Variants in EIF4G3 observed in about 807,000 individuals in gnomAD.
The protein encoded by EIF4G3 is eukaryotic translation initiation factor 4 gamma 3.
Under a neutral mutation model 186.4 loss-of-function variants are expected in EIF4G3, and 34 were observed. That is an observed-to-expected ratio of 0.18 (90% CI 0.14 to 0.24). The LOEUF (loss-of-function observed/expected upper bound fraction) is 0.24, where lower values mean the gene tolerates loss of function less well. Among genes scored for constraint, EIF4G3 ranks in the 10% least tolerant of loss-of-function variants. EIF4G3 has a pLI of 1.00. For missense variants in EIF4G3, 1,536 were observed against 1,948.5 expected (o/e 0.79, Z 3.99); for synonymous variants, 673 against 679.5 (o/e 0.99, Z 0.15).
intron 2 of EIF4G3, chr1:21,175,353 T>G (rs1386911873): frequency 6.6e-6 from 1 of 152,174 alleles, no homozygotes; most frequent in South Asian, 2.1e-4. Flanking sequence ...ATTAGAAACA[T>G]TCAATACTAG....
At chr1:21,018,628 T>A (rs1471048383) in intron 4 of EIF4G3, among the ~76,000 whole-genome samples, 1 of 152,006 alleles carries the variant, frequency 6.6e-6, no homozygotes, top group Non-Finnish European at 1.5e-5. Context: ...CATATTGAAA[T>A]GTGACCCCCA....
intron 2 of EIF4G3, among the ~76,000 whole-genome samples, chr1:21,167,217 C>T (rs2097870053): frequency 6.6e-6 from 1 of 152,214 alleles, no homozygotes; most frequent in African/African-American, 2.4e-5. Context: ...TGGTTTAAAA[C>T]TGGCTGTGTT....
chr1:20,942,482 C>T, intron 13 of EIF4G3, 152 bp from the exon 14 acceptor site: 1 of 681,014 alleles, frequency 1.5e-6, no homozygotes, highest in East Asian at 3.0e-5. Flanking sequence ...AAAACATTGT[C>T]TCTTTTCTTT....
chr1:20,941,719 C>CTGGAGGAGTTGGAGGAGT lies in EIF4G3; in HGVS notation c.1417_1434dup (p.Thr473_Pro478dup). ...ATGACTGGAGTGTGAGGAGGAGAAG[C>CTGGAGGAGTTGGAGGAGT]TGGAGGAGTTGGAGGAGTTGGAGGA... On this transcript the variant is annotated inframe_insertion, in exon 14 of 37. Transcript: ENST00000602326. The CTGGAGGAGTTGGAGGAGT allele has an allele frequency of 6.2e-7, 1 of 1,611,320 alleles. No individual in the cohort carries two copies. Among genetic ancestry groups the CTGGAGGAGTTGGAGGAGT allele is most frequent in the African/African-American group, 1.3e-5 (1 of 74,898 alleles).
At chr1:21,138,467 CAT>C (rs2097284837) in intron 2 of EIF4G3, among the ~76,000 whole-genome samples, 1 of 152,124 alleles carries the variant, frequency 6.6e-6, no homozygotes, top group Admixed American at 6.6e-5. Flanking sequence ...GGAGGTTGTA[CAT>C]GTCAGAAGGT....
chr1:20,898,377 G>GT, intron 16 of EIF4G3, among the ~76,000 whole-genome samples: 1 of 152,096 alleles, frequency 6.6e-6, no homozygotes, highest in African/African-American at 2.4e-5. Context: ...AAATAAAGTG[G>GT]TAAGTACTAG....
At chr1:20,850,628 A>G (rs1375672649) in intron 28 of EIF4G3, among the ~76,000 whole-genome samples, 1 of 152,210 alleles carries the variant, frequency 6.6e-6, no homozygotes, top group East Asian at 1.9e-4. Context: ...AAAACCTTGT[A>G]TTTATCACGT....
intron 10 of EIF4G3, among the ~76,000 whole-genome samples, chr1:20,977,442 C>T (rs2077084483): frequency 6.6e-6 from 1 of 152,184 alleles, no homozygotes; most frequent in African/African-American, 2.4e-5. Flanking sequence ...CCACCTTGGT[C>T]TCCCAAAGTG....
At chr1:21,146,967 G>T (rs939618854) in intron 2 of EIF4G3, among the ~76,000 whole-genome samples, 1 of 151,806 alleles carries the variant, frequency 6.6e-6, no homozygotes, top group African/African-American at 2.4e-5. Flanking sequence ...AGTTGTTTCA[G>T]AAATTTCAGG....
At chr1:21,096,484 T>C (rs1419138812) in intron 2 of EIF4G3, among the ~76,000 whole-genome samples, 3 of 152,178 alleles carry the variant, frequency 2.0e-5, no homozygotes, top group Admixed American at 6.6e-5. Context: ...CAGCAGTATA[T>C]CCATTGAACA....
At chr1:21,051,654 C>G (rs575647710) in intron 3 of EIF4G3, among the ~76,000 whole-genome samples, 26 of 152,248 alleles carry the variant, frequency 1.7e-4, no homozygotes, top group African/African-American at 5.1e-4. Flanking sequence ...AAGTTTCAGA[C>G]CAGCCTGTGC....
chr1:20,981,559 CAT>C (rs1168163664), intron 8 of EIF4G3, among the ~76,000 whole-genome samples: 2 of 141,990 alleles, frequency 1.4e-5, no homozygotes, highest in East Asian at 4.0e-4. Context: ...TGTATACATA[CAT>C]ACATGTATAC....
At position 21,061,515 on chromosome 1, in the gene EIF4G3, G is replaced by C. The variant is rs1361793991; in HGVS notation, c.-195-10521C>G. On this transcript the variant is annotated intron_variant, in intron 3 of 36. Transcript: ENST00000602326. ...AGCTCAGGAGAGCAGTCAGGGCCAA[G>C]CAAGTAAATCTAGAGGTAGGTTCAT... Among the ~76,000 whole-genome samples, 3 of 152,124 alleles carry C rather than the reference G, an allele frequency of 2.0e-5. No homozygotes were observed. In the East Asian group the frequency reaches 5.8e-4, roughly 29 times the overall value.
intron 13 of EIF4G3, among the ~76,000 whole-genome samples, chr1:20,943,968 T>TGTGTGTGTGTGTGTGTGTGTGTGTG (rs1558362029): frequency 1.7e-4 from 2 of 11,952 alleles, no homozygotes; most frequent in South Asian, 1.2e-3. Flanking sequence ...CTTGTCTTTA[T>TGTGTGTGTGTGTGTGTGTGTGTGTG]TTTTTTTGTG....
chr1:20,930,036 T>C (rs1376302119), intron 14 of EIF4G3, among the ~76,000 whole-genome samples: 1 of 152,238 alleles, frequency 6.6e-6, no homozygotes, highest in African/African-American at 2.4e-5. Flanking sequence ...TCTACTAAAC[T>C]GTAGTCTATT....
At chr1:21,108,724 C>T (rs1229943082) in intron 2 of EIF4G3, among the ~76,000 whole-genome samples, 1 of 151,120 alleles carries the variant, frequency 6.6e-6, no homozygotes, top group African/African-American at 2.4e-5. Context: ...GCCAACATGG[C>T]AAAACCCCGT....
chr1:20,963,550 T>C (rs1425377786), intron 12 of EIF4G3, among the ~76,000 whole-genome samples: 1 of 152,144 alleles, frequency 6.6e-6, no homozygotes, highest in African/African-American at 2.4e-5. Context: ...CCCCATAGCA[T>C]AGGACTCTCT....
At chr1:21,117,744 A>AAAAAAAAAAAAAAAAAAAAAAAC in intron 2 of EIF4G3, among the ~76,000 whole-genome samples, 1 of 143,754 alleles carries the variant, frequency 7.0e-6, no homozygotes, top group East Asian at 2.0e-4. Flanking sequence ...AGTAAAAAAA[A>AAAAAAAAAAAAAAAAAAAAAAAC]AAAAAAAAAA....
At chr1:20,922,849 A>C (rs1479472165) in intron 14 of EIF4G3, among the ~76,000 whole-genome samples, 1 of 152,202 alleles carries the variant, frequency 6.6e-6, no homozygotes. Context: ...TCTTCAATCT[A>C]CCCAGCAACC....
Sources: gnomAD v4.1 joint callset for allele counts (sites outside exome capture counted in the v4.1 genomes callset) on GRCh38, gnomAD v4.1.1 for gene constraint, MANE v1.5 for transcripts, NCBI Gene and HGNC (gene_info 2026-07-23, HGNC 2026-07-21) for gene names.